USP24: variants seen among roughly 807,000 people sequenced by gnomAD.
USP24 encodes ubiquitin specific peptidase 24.
USP24 carries 97 observed loss-of-function variants against 361.6 expected under a neutral mutation model. The ratio of observed to expected loss-of-function variants is 0.27; its 90% confidence interval spans 0.23 to 0.32. USP24 has a LOEUF of 0.32. Ranked by LOEUF, USP24 falls within the 10% of genes least tolerant of loss-of-function variation. The pLI is 1.00. For synonymous variants in USP24, 1,098 were observed against 1,124.6 expected (o/e 0.98, Z 0.47); for missense variants, 2,353 against 3,165.6 (o/e 0.74, Z 6.16).
chr1:55,094,168 T>A lies in USP24; in HGVS notation c.6204-81A>T, dbSNP rs536029344. 3,277 of 1,394,748 alleles carry A rather than the reference T, an allele frequency of 2.3e-3. 7 individuals carry two copies. The highest frequency in any genetic ancestry group is 3.0e-3 in the Non-Finnish European group (3,068 of 1,032,540). The allele number at this position is 1,394,748 out of a possible 1,614,324, so 86.4% of individuals were successfully genotyped here. A position where few individuals can be genotyped will look rare whatever the true frequency, so the allele number is the denominator to read the frequency against. ...GTTACTAAGACTTGCCAAATTCACA[T>A]AAACGGGTATTAGACTATTTGATTA... On this transcript the variant is annotated intron_variant, in intron 51 of 67. Coordinates refer to ENST00000294383, the MANE Select transcript of USP24 (RefSeq NM_015306.3).
chr1:55,129,904 T>C (rs1179193722), intron 31 of USP24, among the ~76,000 whole-genome samples: 1 of 152,194 alleles, frequency 6.6e-6, no homozygotes, highest in Non-Finnish European at 1.5e-5. Context: ...TAGAAAGATA[T>C]ACACCAAAGT....
chr1:55,079,800 TCACACA>T (rs918638629), intron 59 of USP24, 141 bp from the exon 60 acceptor site: 11 of 1,137,504 alleles, frequency 9.7e-6, no homozygotes, highest in South Asian at 1.9e-5. Flanking sequence ...CACTGAGTAC[TCACACA>T]CTGAGTACTC....
rs752097685 is a variant in USP24, at chr1:55,069,106, C to T, written c.7802G>A (p.Gly2601Asp). The T allele has an allele frequency of 2.5e-6, 4 of 1,613,932 alleles. No homozygotes were observed. Among genetic ancestry groups the T allele is most frequent in the South Asian group, 2.2e-5 (2 of 91,084 alleles). The change falls in exon 68 of 68, where the codon GGT becomes GAT. Residue 2601 changes from glycine to aspartate, a missense_variant and splice_region_variant. Transcript: ENST00000294383. ...NENGDRHLQQ[G>D]SESPMMIGEL... ...ACCAATCATCATGGGAGATTCTGAA[C>T]CCTGCAGAAAAGAAAAGGAAGTTAA...
intron 7 of USP24, 51 bp downstream of exon 7, chr1:55,165,834 A>G (rs544029914): frequency 6.7e-7 from 1 of 1,491,062 alleles, no homozygotes; most frequent in Admixed American, 1.9e-5. Context: ...CTGTACACCA[A>G]CTCAAGTGAA....
chr1:55,209,166 T>C (rs1042826811), intron 1 of USP24, among the ~76,000 whole-genome samples: 4 of 152,158 alleles, frequency 2.6e-5, no homozygotes, highest in Non-Finnish European at 5.9e-5. Flanking sequence ...ACAACTCTCT[T>C]AGTCGTACCT....
At chr1:55,078,690 C>A in intron 60 of USP24, 39 bp from the exon 61 acceptor site, 1 of 1,484,806 alleles carries the variant, frequency 6.7e-7, no homozygotes, top group African/African-American at 1.4e-5. Context: ...ATTCTCATGT[C>A]ACAGTTAACA....
intron 4 of USP24, 30 bp from the exon 5 acceptor site, chr1:55,171,708 TTATC>T (rs757259086): frequency 6.3e-7 from 1 of 1,584,254 alleles, no homozygotes; most frequent in Non-Finnish European, 8.6e-7. Flanking sequence ...AGAAACATTA[TTATC>T]TATTTCTATA....
chr1:55,194,079 C>T (rs1644356939), intron 1 of USP24, among the ~76,000 whole-genome samples: 1 of 152,050 alleles, frequency 6.6e-6, no homozygotes, highest in Middle Eastern at 3.2e-3. Flanking sequence ...TATAATGCAC[C>T]CCAAGCCAAG....
chr1:55,212,502 A>C (rs1047375510), intron 1 of USP24, among the ~76,000 whole-genome samples: 3 of 152,154 alleles, frequency 2.0e-5, no homozygotes, highest in African/African-American at 7.2e-5. Flanking sequence ...TAACGCACCT[A>C]AGACAGGGCC....
intron 63 of USP24, among the ~76,000 whole-genome samples, chr1:55,074,635 A>AAAATAAATAAATAAAT (rs143014800): frequency 7.2e-6 from 1 of 138,920 alleles, no homozygotes; most frequent in African/African-American, 2.7e-5. Flanking sequence ...CCCTGTCTCA[A>AAAATAAATAAATAAAT]AAATAAATAA....
chr1:55,167,666 T>A (rs1299158926), intron 5 of USP24, among the ~76,000 whole-genome samples: 1 of 152,038 alleles, frequency 6.6e-6, no homozygotes, highest in Non-Finnish European at 1.5e-5. Context: ...CAGCTGTGTG[T>A]GGAGAAGGAT....
chr1:55,082,521 A>G (rs140380817), intron 58 of USP24, among the ~76,000 whole-genome samples: 1 of 152,216 alleles, frequency 6.6e-6, no homozygotes, highest in East Asian at 1.9e-4. Context: ...GACATATTCA[A>G]CACTATTCTA....
intron 48 of USP24, among the ~76,000 whole-genome samples, 171 bp downstream of exon 48, chr1:55,097,427 C>A (rs185345750): frequency 7.2e-4 from 109 of 152,170 alleles, no homozygotes; most frequent in Non-Finnish European, 1.2e-3. Context: ...GCCACTGTTT[C>A]CAGATCTGCC....
chr1:55,188,572 G>A lies in USP24; in HGVS notation c.325-10440C>T, dbSNP rs189039937. ...ATGTTTCTCCAAAAAAGATACAAGC[G>A]GTTCACAAAAAGATGCTAAGCATCT... On this transcript the variant is annotated intron_variant, in intron 1 of 67. Coordinates refer to ENST00000294383, the MANE Select transcript of USP24 (RefSeq NM_015306.3). 2.7e-3 allele frequency among the ~76,000 whole-genome samples: 404 copies of A among 151,900 alleles called. 2 individuals are homozygous for A. The highest frequency in any genetic ancestry group is 9.1e-3 in the African/African-American group (376 of 41,448).
chr1:55,162,146 A>G, intron 8 of USP24, 53 bp downstream of exon 8: 2 of 1,504,580 alleles, frequency 1.3e-6, no homozygotes, highest in Non-Finnish European at 1.8e-6. Flanking sequence ...AGAAGTTATT[A>G]CTGTTTGCAT....
At chr1:55,106,419 A>G (rs1645775025) in intron 40 of USP24, among the ~76,000 whole-genome samples, 156 bp from the exon 41 acceptor site, 1 of 152,238 alleles carries the variant, frequency 6.6e-6, no homozygotes, top group Non-Finnish European at 1.5e-5. Context: ...AGGACTTACT[A>G]CATGGCAAAG....
At chr1:55,202,228 G>A (rs1644594402) in intron 1 of USP24, among the ~76,000 whole-genome samples, 1 of 152,042 alleles carries the variant, frequency 6.6e-6, no homozygotes, top group African/African-American at 2.4e-5. Context: ...ATTTCAAAAT[G>A]TTTAACTTCA....
chr1:55,198,128 C>CT (rs1489703674), intron 1 of USP24, among the ~76,000 whole-genome samples: 1 of 142,540 alleles, frequency 7.0e-6, no homozygotes, highest in Non-Finnish European at 1.5e-5. Flanking sequence ...ATTTATATTT[C>CT]TTTTTTAAAA....
At chr1:55,126,460 T>C (rs1646433063) in intron 32 of USP24, among the ~76,000 whole-genome samples, 2 of 152,246 alleles carry the variant, frequency 1.3e-5, no homozygotes, top group African/African-American at 2.4e-5. Context: ...CTTTTACTTA[T>C]GTTAATTGTC....
Sources: allele counts gnomAD v4.1 joint callset (sites outside exome capture counted in the v4.1 genomes callset), GRCh38; gene constraint gnomAD v4.1.1; transcripts MANE v1.5; gene names NCBI Gene and HGNC (gene_info 2026-07-23, HGNC 2026-07-21).